The following KDM4C variants were observed in gnomAD, a reference collection of about 807,000 sequenced individuals.
KDM4C encodes lysine demethylase 4C, also known as lysine-specific demethylase 4C.
A neutral mutation model predicts 129.3 loss-of-function variants in KDM4C; 81 were observed. The ratio of observed to expected loss-of-function variants is 0.63; its 90% confidence interval spans 0.52 to 0.75. The LOEUF is 0.75. Ranked by LOEUF, KDM4C falls within the 30% of genes least tolerant of loss-of-function variation. The probability of loss-of-function intolerance (pLI) is 0.00; values close to 1 mark genes in which losing one functional copy is unlikely to be tolerated. For synonymous variants in KDM4C, 573 were observed against 456.1 expected, an observed-to-expected ratio of 1.26 and a Z score of -3.26; for missense variants, 1,457 against 1,304.0, an observed-to-expected ratio of 1.12 and a Z score of -1.81.
At chr9:7,130,042 C>G (rs1193988852) in intron 19 of KDM4C, among the ~76,000 whole-genome samples, 1 of 152,168 alleles carries the variant, frequency 6.6e-6, no homozygotes, top group Non-Finnish European at 1.5e-5. Context: ...TATGCAGGAG[C>G]AAGAGAGGCA....
chr9:7,103,542 G>T (rs112901033), intron 17 of KDM4C, 143 bp from the exon 18 acceptor site: 2 of 631,720 alleles, frequency 3.2e-6, no homozygotes, highest in African/African-American at 1.8e-5. Context: ...CACCACTAGG[G>T]CCCCTGGAGG....
At chr9:6,965,310 G>A (rs1830760927) in intron 8 of KDM4C, among the ~76,000 whole-genome samples, 2 of 150,756 alleles carry the variant, frequency 1.3e-5, no homozygotes, top group African/African-American at 4.9e-5. Flanking sequence ...TATATATTTG[G>A]ATATATTAGG....
chr9:7,054,424 T>C (rs1830600616), intron 17 of KDM4C, among the ~76,000 whole-genome samples: 1 of 152,288 alleles, frequency 6.6e-6, no homozygotes, highest in East Asian at 1.9e-4. Context: ...CAAGGGAACA[T>C]AGAGATATAT....
intron 5 of KDM4C, among the ~76,000 whole-genome samples, chr9:6,876,998 CTTTCG>C (rs1843668000): frequency 6.6e-6 from 1 of 152,166 alleles, no homozygotes; most frequent in African/African-American, 2.4e-5. Flanking sequence ...TCACCCCATT[CTTTCG>C]TTCATTCATT....
intron 13 of KDM4C, 28 bp from the exon 14 acceptor site, chr9:7,013,760 A>C (rs368837335): frequency 6.2e-7 from 1 of 1,602,124 alleles, no homozygotes; most frequent in Non-Finnish European, 8.5e-7. Context: ...CATGTTTTTC[A>C]CTCATGTGGA....
intron 19 of KDM4C, among the ~76,000 whole-genome samples, chr9:7,135,600 G>C (rs1841116960): frequency 7.0e-6 from 1 of 142,170 alleles, no homozygotes. Flanking sequence ...TGTCCGTTCT[G>C]AGCTATGTGT....
intron 17 of KDM4C, among the ~76,000 whole-genome samples, chr9:7,051,804 C>T (rs1342245896): frequency 6.6e-6 from 1 of 152,146 alleles, no homozygotes; most frequent in African/African-American, 2.4e-5. Flanking sequence ...TTTCACCAAA[C>T]AATTATCACT....
intron 4 of KDM4C, among the ~76,000 whole-genome samples, chr9:6,842,501 ATTTT>A (rs1243328925): frequency 6.7e-6 from 1 of 149,602 alleles, no homozygotes; most frequent in Non-Finnish European, 1.5e-5. Flanking sequence ...CGCCTGGCTA[ATTTT>A]TTTTTGTATT....
chr9:7,121,877 G>T (rs913386233), intron 18 of KDM4C, among the ~76,000 whole-genome samples: 3 of 150,648 alleles, frequency 2.0e-5, no homozygotes, highest in Non-Finnish European at 3.0e-5. Context: ...CTTCCTGGTT[G>T]GCTTTATTTC....
intron 12 of KDM4C, among the ~76,000 whole-genome samples, chr9:6,991,992 CAT>C (rs1399824399): frequency 9.2e-5 from 14 of 151,468 alleles, no homozygotes; most frequent in Admixed American, 6.6e-4. Flanking sequence ...CATTGATTTC[CAT>C]ATATCATAAT....
chr9:6,891,099 A>G (rs912175483), intron 7 of KDM4C, among the ~76,000 whole-genome samples: 13 of 152,224 alleles, frequency 8.5e-5, no homozygotes, highest in Non-Finnish European at 1.9e-4. Flanking sequence ...CAGTGGTGAA[A>G]GGTATCAGAA....
At chr9:7,126,083 C>G (rs1270742495) in intron 18 of KDM4C, among the ~76,000 whole-genome samples, 1 of 152,152 alleles carries the variant, frequency 6.6e-6, no homozygotes, top group Non-Finnish European at 1.5e-5. Context: ...ATGTGCCAAT[C>G]ACTCTGCAGA....
chr9:6,798,159 T>A (rs1007683475), intron 2 of KDM4C, among the ~76,000 whole-genome samples: 2 of 152,234 alleles, frequency 1.3e-5, no homozygotes, highest in African/African-American at 4.8e-5. Flanking sequence ...AGGTAATATT[T>A]GGATTTTTGT....
chr9:6,762,243 C>T (rs1340724942), intron 1 of KDM4C, among the ~76,000 whole-genome samples: 1 of 151,988 alleles, frequency 6.6e-6, no homozygotes, highest in Non-Finnish European at 1.5e-5. Context: ...CACTATCCCT[C>T]CCCCAGCCCC....
At chr9:7,014,965 A>T (rs1439018877) in intron 14 of KDM4C, among the ~76,000 whole-genome samples, 1 of 150,394 alleles carries the variant, frequency 6.6e-6, no homozygotes, top group East Asian at 1.9e-4. Flanking sequence ...TTACATTATT[A>T]TGTGTATACA....
intron 21 of KDM4C, chr9:7,170,235 G>T: frequency 1.7e-6 from 2 of 1,177,670 alleles, no homozygotes; most frequent in Non-Finnish European, 2.1e-6. Context: ...GTTAGTAGAA[G>T]CAACATTAAA....
chr9:7,010,498 C>G (rs1256365532), intron 12 of KDM4C, among the ~76,000 whole-genome samples: 1 of 152,210 alleles, frequency 6.6e-6, no homozygotes, highest in African/African-American at 2.4e-5. Context: ...AACACACTTA[C>G]TCACCAGTGA....
At chr9:6,836,938 T>C (rs1835985293) in intron 4 of KDM4C, among the ~76,000 whole-genome samples, 2 of 152,228 alleles carry the variant, frequency 1.3e-5, no homozygotes, top group Non-Finnish European at 2.9e-5. Context: ...TGTGTAAAAG[T>C]TTCTCAAAGG....
chr9:7,100,338 G>T lies in KDM4C; in HGVS notation c.2425-3347G>T, dbSNP rs1443273879. Reference sequence around the variant, plus strand: ...TTTATCAAATCTCAGTATGCATAAAGATTTTTTTTTCCTTTTTTTGAGACA... The same window carrying T: ...TTTATCAAATCTCAGTATGCATAAATATTTTTTTTTCCTTTTTTTGAGACA... On this transcript the variant is annotated intron_variant, in intron 17 of 21. Transcript: ENST00000381309. Among the ~76,000 whole-genome samples, 45 of 151,976 alleles carry T rather than the reference G, an allele frequency of 3.0e-4. 1 individual carries two copies. Among genetic ancestry groups the T allele is most frequent in the Admixed American group, 3.0e-3 (45 of 15,242 alleles).
Sources: allele counts gnomAD v4.1 joint callset (sites outside exome capture counted in the v4.1 genomes callset), GRCh38; gene constraint gnomAD v4.1.1; transcripts MANE v1.5; gene names NCBI Gene and HGNC (gene_info 2026-07-23, HGNC 2026-07-21).